The following GLIS3 variants were observed in gnomAD, a reference collection of about 807,000 sequenced individuals.
GLIS3 encodes the protein zinc finger protein GLIS3.
Under a neutral mutation model 78.6 loss-of-function variants are expected in GLIS3, and 53 were observed. That is an observed-to-expected ratio of 0.67 (90% confidence interval 0.54 to 0.85). The LOEUF (loss-of-function observed/expected upper bound fraction) is 0.85. Among genes scored for constraint, GLIS3 ranks in the 40% least tolerant of loss-of-function variants. GLIS3 has a pLI of 0.00. For synonymous variants in GLIS3, 684 were observed against 509.9 expected (o/e 1.34, Z -4.60); for missense variants, 1,703 against 1,231.1 (o/e 1.38, Z -5.74).
rs59694826 is a variant in GLIS3, at chr9:3,860,593, A to G, written c.2298-4409T>C. 9.4e-3 allele frequency among the ~76,000 whole-genome samples: 1,435 copies of G among 152,244 alleles called. 18 individuals are homozygous for G. Among genetic ancestry groups the G allele is most frequent in the African/African-American group, 0.032 (1,331 of 41,524 alleles). ...ACTGCTTAGGTTCATGTGCAGAAAA[A>G]GTGGGAATGGCAGGAGAAGCAGATG... On this transcript the variant is annotated intron_variant, in intron 8 of 10. Coordinates refer to ENST00000381971, the MANE Select transcript of GLIS3 (RefSeq NM_001042413.2).
At chr9:4,402,558 T>G in the GLIS3 span, among the ~76,000 whole-genome samples, 2 of 152,124 alleles carry the variant, frequency 1.3e-5, no homozygotes. Flanking sequence ...TTGAGGAAAC[T>G]TGAAGAAATT....
chr9:4,235,640 CTGTGAGTGTGAATGTATAAA>C (rs1359950160), intron 2 of GLIS3, among the ~76,000 whole-genome samples: 1 of 152,088 alleles, frequency 6.6e-6, no homozygotes, highest in Non-Finnish European at 1.5e-5. Context: ...CGAAGGTCTT[CTGTGAGTGTGAATGTATAAA>C]TGCAAGTGTC....
intron 4 of GLIS3, among the ~76,000 whole-genome samples, chr9:3,940,119 C>T (rs1826121773): frequency 6.6e-6 from 1 of 152,196 alleles, no homozygotes; most frequent in Non-Finnish European, 1.5e-5. Flanking sequence ...TTTCCCCTCC[C>T]TCAGGCAGTT....
intron 2 of GLIS3, among the ~76,000 whole-genome samples, chr9:4,251,403 GT>G (rs1824366982): frequency 6.9e-6 from 1 of 144,312 alleles, no homozygotes; most frequent in Admixed American, 7.0e-5. Flanking sequence ...TTTAAAGTCT[GT>G]TTTATTAGAG....
At chr9:3,956,552 C>T (rs1010967432) in intron 4 of GLIS3, among the ~76,000 whole-genome samples, 1 of 152,214 alleles carries the variant, frequency 6.6e-6, no homozygotes, top group Non-Finnish European at 1.5e-5. Flanking sequence ...ATTCTCAGCC[C>T]ATTCTTAAGT....
chr9:4,263,387 A>C lies in GLIS3; in HGVS notation c.388+22651T>G, dbSNP rs1825704679. On this transcript the variant is annotated intron_variant, in intron 2 of 10. Coordinates refer to ENST00000381971, the MANE Select transcript of GLIS3 (RefSeq NM_001042413.2). ...TAATTGACATGTGAGATAAATGTTG[A>C]ACCAAATACAGACTAACAGAGAAAG... is the stretch of plus-strand genomic sequence containing the variant. Among the ~76,000 whole-genome samples, 4 of 152,204 alleles carry C rather than the reference A, an allele frequency of 2.6e-5. No homozygotes were observed. In the South Asian group the frequency reaches 8.3e-4, roughly 32 times the overall value.
intron 4 of GLIS3, among the ~76,000 whole-genome samples, chr9:4,072,507 T>A (rs902176593): frequency 6.6e-6 from 1 of 152,192 alleles, no homozygotes; most frequent in Non-Finnish European, 1.5e-5. Flanking sequence ...TTTATTTATT[T>A]TTTTGAGGTG....
At chr9:4,464,133 G>C in the GLIS3 span, among the ~76,000 whole-genome samples, 1 of 151,914 alleles carries the variant, frequency 6.6e-6, no homozygotes, top group African/African-American at 2.4e-5. Flanking sequence ...TTCTGTGTCA[G>C]GTTTTTTTTA....
At chr9:4,058,437 C>G (rs1049258245) in intron 4 of GLIS3, among the ~76,000 whole-genome samples, 4 of 144,852 alleles carry the variant, frequency 2.8e-5, no homozygotes, top group African/African-American at 7.4e-5. Flanking sequence ...GACATATTTC[C>G]TTTCCCCTAT....
intron 2 of GLIS3, among the ~76,000 whole-genome samples, chr9:4,250,580 T>C (rs908791443): frequency 1.3e-5 from 2 of 152,190 alleles, no homozygotes; most frequent in Non-Finnish European, 2.9e-5. Flanking sequence ...TATTCATTAA[T>C]TTTTTGAAGT....
chr9:4,418,638 G>A, the GLIS3 span, among the ~76,000 whole-genome samples: 1 of 152,126 alleles, frequency 6.6e-6, no homozygotes, highest in Non-Finnish European at 1.5e-5. Flanking sequence ...GGCAGAGGTT[G>A]CAGTGAGCCG....
intron 2 of GLIS3, among the ~76,000 whole-genome samples, chr9:4,246,166 C>T (rs1474097179): frequency 6.6e-6 from 1 of 152,142 alleles, no homozygotes; most frequent in Non-Finnish European, 1.5e-5. Flanking sequence ...CAAGGCCAGC[C>T]TGGACAGCAT....
At chr9:4,112,668 T>C (rs899086766) in intron 4 of GLIS3, among the ~76,000 whole-genome samples, 2 of 152,156 alleles carry the variant, frequency 1.3e-5, no homozygotes, top group African/African-American at 2.4e-5. Flanking sequence ...AAAGATCAAT[T>C]TCTCTAGGCT....
chr9:4,458,484 G>A, the GLIS3 span, among the ~76,000 whole-genome samples: 1 of 152,154 alleles, frequency 6.6e-6, no homozygotes, highest in Non-Finnish European at 1.5e-5. Context: ...AGTAGAGTGT[G>A]TTACTTTATT....
At position 4,118,006 on chromosome 9, in the gene GLIS3, CCGT is replaced by C. The variant is rs1465482036; in HGVS notation, c.1469_1471del (p.Asp490del). On this transcript the variant is annotated inframe_deletion, in exon 4 of 11. Transcript: ENST00000381971. The surrounding 1 kb of genome is among the most constrained non-coding windows in gnomAD (Gnocchi z 4.7). ...CTTGCCCCCGATGCCGTCCATCTCC[CCGT>C]CGTCGTCCAGGGTGGCCTGGGGCAA... 25 of 1,608,186 alleles carry C rather than the reference CCGT, an allele frequency of 1.6e-5. No homozygotes were observed. The highest frequency in any genetic ancestry group is 2.1e-5 in the Non-Finnish European group (25 of 1,177,640).
At chr9:4,330,610 G>A (rs1817670546) in intron 2 of GLIS3, among the ~76,000 whole-genome samples, 1 of 151,380 alleles carries the variant, frequency 6.6e-6, no homozygotes, top group Non-Finnish European at 1.5e-5. Flanking sequence ...ATGAGGAGAG[G>A]TGGAGGTGAA....
chr9:3,889,416 A>G (rs1822280300), intron 7 of GLIS3, among the ~76,000 whole-genome samples: 1 of 152,210 alleles, frequency 6.6e-6, no homozygotes, highest in Non-Finnish European at 1.5e-5. Flanking sequence ...CAGCTTTGCC[A>G]TTATCTGTTT....
chr9:3,903,907 T>C (rs1823488430), intron 6 of GLIS3, among the ~76,000 whole-genome samples: 1 of 151,998 alleles, frequency 6.6e-6, no homozygotes, highest in Admixed American at 6.5e-5. Context: ...AAGGAGGGAA[T>C]TTCAAGGAGG....
chr9:4,474,557 T>C, the GLIS3 span, among the ~76,000 whole-genome samples: 1,085 of 152,286 alleles, frequency 7.1e-3, 16 homozygotes, highest in African/African-American at 0.025. Context: ...GAATCCCAGA[T>C]AGATTTTAGA....
Sources: allele counts gnomAD v4.1 joint callset (sites outside exome capture counted in the v4.1 genomes callset), GRCh38; gene constraint gnomAD v4.1.1; non-coding constraint Gnocchi (gnomAD v3.1); transcripts MANE v1.5; gene names NCBI Gene and HGNC (gene_info 2026-07-23, HGNC 2026-07-21).